The following TYW1B variants were observed in gnomAD, a reference collection of about 807,000 sequenced individuals.
The protein encoded by TYW1B is S-adenosyl-L-methionine-dependent tRNA 4-demethylwyosine synthase TYW1B.
Under a neutral mutation model 86.9 loss-of-function variants are expected in TYW1B, and 73 were observed. The ratio of observed to expected loss-of-function variants is 0.84; its 90% CI spans 0.70 to 1.02. TYW1B has a LOEUF of 1.02. TYW1B is among the 50% of genes least tolerant of loss of function. The pLI, the probability that TYW1B is intolerant of heterozygous loss-of-function variation, is 0.00. For synonymous variants in TYW1B, 248 were observed against 292.8 expected (o/e 0.85, Z 1.56); for missense variants, 637 against 827.4 (o/e 0.77, Z 2.82).
intron 2 of TYW1B, among the ~76,000 whole-genome samples, chr7:72,815,853 C>T (rs1788713027): frequency 6.6e-6 from 1 of 151,904 alleles, no homozygotes; most frequent in Non-Finnish European, 1.5e-5. Context: ...AAAGTGAGAC[C>T]TCATCTTTAT....
chr7:72,791,366 T>C (rs1349520786), intron 6 of TYW1B, among the ~76,000 whole-genome samples: 1 of 148,370 alleles, frequency 6.7e-6, no homozygotes, highest in African/African-American at 2.5e-5. Context: ...CCAAAGTGTG[T>C]GAGTTGTCAA....
At position 72,581,584 on chromosome 7, in the gene TYW1B, G is replaced by A. The variant is rs543129843; in HGVS notation, c.1786-5865C>T. On this transcript the variant is annotated intron_variant, in intron 13 of 13. Coordinates refer to ENST00000620995, the MANE Select transcript of TYW1B (RefSeq NM_001145440.3). Reference sequence around the variant, plus strand: ...CGTGATTCTCCTGCCTCAGCCTCCTGAGTAGCTGGGATTACAGGTGTGCAC... The same window carrying A: ...CGTGATTCTCCTGCCTCAGCCTCCTAAGTAGCTGGGATTACAGGTGTGCAC... Among the ~76,000 whole-genome samples, 3 of 152,032 alleles carry A rather than the reference G, an allele frequency of 2.0e-5. No homozygotes were observed. The East Asian group carries it at 5.8e-4, about 29-fold the overall frequency.
intron 8 of TYW1B, among the ~76,000 whole-genome samples, chr7:72,731,543 A>T (rs1437093305): frequency 6.6e-6 from 1 of 151,372 alleles, no homozygotes; most frequent in Non-Finnish European, 1.5e-5. Context: ...GAATGAATTT[A>T]AAAAAAAACA....
intron 11 of TYW1B, among the ~76,000 whole-genome samples, chr7:72,693,014 A>G (rs1814210733): frequency 6.6e-6 from 1 of 152,098 alleles, no homozygotes; most frequent in Non-Finnish European, 1.5e-5. Flanking sequence ...AGTGACTCCC[A>G]TATCTGGCTG....
chr7:72,594,109 T>C (rs1811470745), intron 13 of TYW1B, among the ~76,000 whole-genome samples: 1 of 150,768 alleles, frequency 6.6e-6, no homozygotes. Context: ...CTTCAGGAAC[T>C]AAAAACAGGA....
chr7:72,694,899 T>G, intron 10 of TYW1B, 77 bp from the exon 11 acceptor site: 2 of 1,502,334 alleles, frequency 1.3e-6, no homozygotes, highest in Non-Finnish European at 1.8e-6. Flanking sequence ...AAACCTGTAA[T>G]AGACATGGGT....
At position 72,827,872 on chromosome 7, in the gene TYW1B, C is replaced by A. The variant is rs181495177; in HGVS notation, c.4+200G>T. On this transcript the variant is annotated intron_variant, in intron 1 of 13. Transcript: ENST00000620995. ...GTGGGAGGGGTAGTTTTCTGTCTAA[C>A]CCCCTAGCCTCAAAAGGCAAAAGCC... 4.1e-4 allele frequency among the ~76,000 whole-genome samples: 62 copies of A among 152,334 alleles called. 1 individual carries two copies. The highest frequency in any genetic ancestry group is 3.5e-3 in the Admixed American group (53 of 15,302).
In TYW1B at chr7:72,575,661, A is replaced by G. The variant is rs1585818524; in HGVS notation, c.1844T>C (p.Ile615Thr). ...TCCACCACTATCTTCATATTCCTGG[A>G]TGAGCTCCTGGAAGCGGTTATAATC... is the stretch of plus-strand genomic sequence containing the variant. ...WIDYNRFQEL[I>T]QEYEDSGGSK... Residue 615 changes from isoleucine to threonine, a missense_variant, in exon 14 of 14, where the codon ATC becomes ACC. Transcript: ENST00000620995. 3 of 1,613,602 alleles carry G rather than the reference A, an allele frequency of 1.9e-6. No individual in the cohort carries two copies. In the South Asian group the frequency reaches 3.3e-5, roughly 18 times the overall value.
rs1554428085 is a variant in TYW1B, at chr7:72,574,591, T to A, written c.*907A>T. On this transcript the variant is annotated 3_prime_UTR_variant, in exon 14 of 14. Coordinates refer to ENST00000620995, the MANE Select transcript of TYW1B (RefSeq NM_001145440.3). ...AGAATTTGCTAACTTGAAAACAATT[T>A]TGAGTATTTATGATCTTTCCAACTT... 3 of 985,242 alleles carry A rather than the reference T, an allele frequency of 3.0e-6. No individual in the cohort carries two copies. The African/African-American group carries it at 5.2e-5, about 17-fold the overall frequency. 61.0% of individuals were successfully genotyped at this position (985,242 alleles called of 1,614,324 possible). A position where few individuals can be genotyped will look rare whatever the true frequency, so the allele number is the denominator to read the frequency against.
chr7:72,731,753 C>A (rs367686101), intron 8 of TYW1B, among the ~76,000 whole-genome samples: 1 of 152,060 alleles, frequency 6.6e-6, no homozygotes. Context: ...ACCAGCCTGG[C>A]CAACACGGTG....
intron 7 of TYW1B, among the ~76,000 whole-genome samples, chr7:72,759,196 G>T (rs1787646652): frequency 6.6e-6 from 1 of 152,094 alleles, no homozygotes; most frequent in Admixed American, 6.6e-5. Flanking sequence ...AGCCAGGCGT[G>T]GTGGCACGCA....
chr7:72,821,026 G>A (rs1215419489), intron 2 of TYW1B, among the ~76,000 whole-genome samples: 6 of 152,214 alleles, frequency 3.9e-5, no homozygotes, highest in Non-Finnish European at 8.8e-5. Context: ...AGGCTGGAGT[G>A]CAGTGGCGCC....
intron 3 of TYW1B, among the ~76,000 whole-genome samples, chr7:72,814,883 G>C (rs191618411): frequency 8.0e-5 from 12 of 150,570 alleles, no homozygotes; most frequent in Non-Finnish European, 1.6e-4. Context: ...TGGCCAACAT[G>C]GTGAAACCTC....
intron 12 of TYW1B, 48 bp downstream of exon 12, chr7:72,628,839 C>T (rs782806454): frequency 1.2e-5 from 18 of 1,514,304 alleles, no homozygotes; most frequent in African/African-American, 2.8e-5. Context: ...CGAAGCACCA[C>T]GATTCTTTGT....
In TYW1B at chr7:72,575,665, G is replaced by A. The variant is rs782385560; in HGVS notation, c.1840C>T (p.Leu614Phe). ...TWIDYNRFQE[L>F]IQEYEDSGGS... ...CCACTATCTTCATATTCCTGGATGA[G>A]CTCCTGGAAGCGGTTATAATCGATC... Residue 614 changes from leucine (L) to phenylalanine (F), a missense_variant, in exon 14 of 14, where the codon CTC becomes TTC. Coordinates refer to ENST00000620995, the MANE Select transcript of TYW1B (RefSeq NM_001145440.3). 1 of 1,613,128 alleles carries A rather than the reference G, an allele frequency of 6.2e-7. No individual in the cohort carries two copies. Among genetic ancestry groups the A allele is most frequent in the South Asian group, 1.1e-5 (1 of 91,064 alleles).
intron 11 of TYW1B, among the ~76,000 whole-genome samples, chr7:72,673,754 A>G (rs2129569769): frequency 6.6e-6 from 1 of 152,322 alleles, no homozygotes; most frequent in African/African-American, 2.4e-5. Context: ...AAAGGAGTAT[A>G]ATCGGATTGT....
chr7:72,610,761 A>G (rs3015900), intron 13 of TYW1B, among the ~76,000 whole-genome samples: 1,654 of 138,934 alleles, frequency 0.012, 17 homozygotes, highest in African/African-American at 0.034. Flanking sequence ...ACAGGCACAC[A>G]ACACCACAGC....
At chr7:72,788,200 C>A (rs1364321996) in intron 6 of TYW1B, among the ~76,000 whole-genome samples, 2 of 151,988 alleles carry the variant, frequency 1.3e-5, no homozygotes, top group African/African-American at 2.4e-5. Flanking sequence ...AGGATGGTCT[C>A]GATCTCCTGA....
intron 7 of TYW1B, among the ~76,000 whole-genome samples, chr7:72,755,380 C>G (rs1467535656): frequency 6.6e-6 from 1 of 152,142 alleles, no homozygotes; most frequent in African/African-American, 2.4e-5. Context: ...GACTGCATTA[C>G]TGCACTCCAG....
Sources: allele counts gnomAD v4.1 joint callset (sites outside exome capture counted in the v4.1 genomes callset), GRCh38; gene constraint gnomAD v4.1.1; transcripts MANE v1.5; gene names NCBI Gene and HGNC (gene_info 2026-07-23, HGNC 2026-07-21).